Variants in SPAG16 observed in about 807,000 individuals in gnomAD.
SPAG16 encodes the protein sperm-associated antigen 16 protein.
SPAG16 carries 86 observed loss-of-function variants against 80.4 expected under a neutral mutation model. The observed-to-expected ratio is 1.07, with a 90% CI of 0.90 to 1.28. The LOEUF (loss-of-function observed/expected upper bound fraction) is 1.28, where lower values mean the gene tolerates loss of function less well. SPAG16 is among the 50% of genes most tolerant of loss of function. The pLI is 0.00. For missense variants in SPAG16, 870 were observed against 765.3 expected (o/e 1.14, Z -1.61); for synonymous variants, 294 against 265.9 (o/e 1.11, Z -1.03).
intron 3 of SPAG16, among the ~76,000 whole-genome samples, chr2:213,299,654 A>C (rs748017933): frequency 5.9e-5 from 9 of 152,072 alleles, no homozygotes; most frequent in Admixed American, 1.3e-4. Flanking sequence ...TTGCTTTATA[A>C]ATTTTAAATT....
At chr2:213,306,121 G>A (rs150399182) in intron 3 of SPAG16, among the ~76,000 whole-genome samples, 1 of 151,660 alleles carries the variant, frequency 6.6e-6, no homozygotes, top group Non-Finnish European at 1.5e-5. Flanking sequence ...CAATTTACTG[G>A]CACGTAGTTG....
chr2:214,316,537 G>C (rs1166187407), intron 15 of SPAG16, among the ~76,000 whole-genome samples: 1 of 152,142 alleles, frequency 6.6e-6, no homozygotes, highest in Non-Finnish European at 1.5e-5. Context: ...ATAAGGACCC[G>C]CGATGAAAGT....
At chr2:213,850,195 G>A (rs139933806) in intron 10 of SPAG16, among the ~76,000 whole-genome samples, 1 of 152,090 alleles carries the variant, frequency 6.6e-6, no homozygotes, top group Non-Finnish European at 1.5e-5. Context: ...TTTCTTTCAC[G>A]TATTAGAAAG....
chr2:214,052,607 G>A (rs13394548), intron 13 of SPAG16, among the ~76,000 whole-genome samples: 1,548 of 152,090 alleles, frequency 0.01, 34 homozygotes, highest in African/African-American at 0.035. Context: ...TCTTTATATC[G>A]TATATTATAA....
chr2:214,009,015 C>G (rs545230504), intron 12 of SPAG16, among the ~76,000 whole-genome samples: 9 of 152,284 alleles, frequency 5.9e-5, no homozygotes, highest in Non-Finnish European at 1.2e-4. Flanking sequence ...AGTAAATTAT[C>G]TCCACTTCAC....
intron 15 of SPAG16, among the ~76,000 whole-genome samples, chr2:214,379,989 C>G (rs954419167): frequency 6.6e-6 from 1 of 152,158 alleles, no homozygotes; most frequent in African/African-American, 2.4e-5. Flanking sequence ...AAGCAAGGCT[C>G]TAAGGTTCAT....
chr2:213,709,444 T>G (rs2065890843), intron 10 of SPAG16, among the ~76,000 whole-genome samples: 1 of 152,226 alleles, frequency 6.6e-6, no homozygotes, highest in Non-Finnish European at 1.5e-5. Flanking sequence ...GAAACACTTA[T>G]GGAATATTTC....
chr2:213,578,350 T>C (rs1188221477), intron 10 of SPAG16, among the ~76,000 whole-genome samples: 1 of 152,182 alleles, frequency 6.6e-6, no homozygotes, highest in African/African-American at 2.4e-5. Context: ...AGAAAACTAC[T>C]TTGTAAATTA....
At chr2:213,343,813 A>C (rs1048552001) in intron 6 of SPAG16, among the ~76,000 whole-genome samples, 2 of 152,144 alleles carry the variant, frequency 1.3e-5, no homozygotes, top group Non-Finnish European at 2.9e-5. Flanking sequence ...AAAAAAGCTG[A>C]AAAGAAATGA....
At chr2:213,759,876 A>T (rs1169595903) in intron 10 of SPAG16, among the ~76,000 whole-genome samples, 1 of 152,050 alleles carries the variant, frequency 6.6e-6, no homozygotes, top group Non-Finnish European at 1.5e-5. Context: ...CTCTACTAAA[A>T]ATACAAAAAA....
chr2:213,527,361 G>T (rs538592876), intron 10 of SPAG16, among the ~76,000 whole-genome samples: 2 of 152,140 alleles, frequency 1.3e-5, no homozygotes, highest in Non-Finnish European at 2.9e-5. Context: ...ATGCTTTGCA[G>T]CTTCTAAAAT....
intron 13 of SPAG16, among the ~76,000 whole-genome samples, chr2:214,031,819 A>C (rs375862279): frequency 6.6e-6 from 1 of 152,146 alleles, no homozygotes; most frequent in East Asian, 1.9e-4. Context: ...CAGGAGAGAG[A>C]GAGAACCAAG....
chr2:213,504,653 A>G (rs1000345469), intron 10 of SPAG16, among the ~76,000 whole-genome samples: 11 of 152,240 alleles, frequency 7.2e-5, no homozygotes, highest in Non-Finnish European at 1.3e-4. Flanking sequence ...ACTAGCAAGA[A>G]TTAAAGCAAT....
intron 10 of SPAG16, among the ~76,000 whole-genome samples, chr2:213,594,518 T>C (rs1440157992): frequency 1.3e-5 from 2 of 152,186 alleles, no homozygotes; most frequent in Non-Finnish European, 2.9e-5. Context: ...AATGGGGGTG[T>C]GCTCACTCTT....
At chr2:213,573,435 A>G (rs1308612353) in intron 10 of SPAG16, among the ~76,000 whole-genome samples, 2 of 152,172 alleles carry the variant, frequency 1.3e-5, no homozygotes, top group East Asian at 3.8e-4. Context: ...CTTTCACCAA[A>G]ATTGCATTAA....
chr2:213,794,753 CTA>C (rs139770973), intron 10 of SPAG16, among the ~76,000 whole-genome samples: 37,708 of 151,938 alleles, frequency 0.25, 5,206 homozygotes, highest in Middle Eastern at 0.39. Context: ...GAAAAATACA[CTA>C]AAACTATGCC....
chr2:214,114,714 G>A (rs112267858), intron 14 of SPAG16, among the ~76,000 whole-genome samples: 8 of 152,262 alleles, frequency 5.3e-5, no homozygotes, highest in African/African-American at 7.2e-5. Flanking sequence ...AGTCTGTCAC[G>A]GCTTCCCTTG....
intron 10 of SPAG16, among the ~76,000 whole-genome samples, chr2:213,848,562 TC>T: frequency 6.6e-6 from 1 of 152,236 alleles, no homozygotes; most frequent in South Asian, 2.1e-4. Context: ...CATGTACTTT[TC>T]ATTCCATTTA....
At chr2:213,719,716 G>A (rs1462306111) in intron 10 of SPAG16, among the ~76,000 whole-genome samples, 3 of 152,206 alleles carry the variant, frequency 2.0e-5, no homozygotes. Context: ...TGGAGAAATA[G>A]GAATGCTTTT....
Sources: allele counts gnomAD v4.1 joint callset (sites outside exome capture counted in the v4.1 genomes callset), GRCh38; gene constraint gnomAD v4.1.1; transcripts MANE v1.5; gene names NCBI Gene and HGNC (gene_info 2026-07-23, HGNC 2026-07-21).